Variants in TPRG1 observed in about 807,000 individuals in gnomAD.
TPRG1 encodes the protein tumor protein p63 regulated 1.
A neutral mutation model predicts 29.3 loss-of-function variants in TPRG1; 29 were observed. The observed-to-expected ratio is 0.99, with a 90% CI of 0.74 to 1.35. TPRG1 has a LOEUF of 1.35. Among genes scored for constraint, TPRG1 ranks in the 40% most tolerant of loss-of-function variants. The pLI is 0.00. For missense variants in TPRG1, 327 were observed against 335.0 expected (o/e 0.98, Z 0.19); for synonymous variants, 130 against 116.8 (o/e 1.11, Z -0.73).
intron 5 of TPRG1, among the ~76,000 whole-genome samples, chr3:189,163,103 C>G (rs1578613196): frequency 6.6e-6 from 1 of 152,192 alleles, no homozygotes; most frequent in Non-Finnish European, 1.5e-5. Context: ...GAAACCTGGT[C>G]TCTACTAAAA....
intron 4 of TPRG1, among the ~76,000 whole-genome samples, chr3:189,256,906 G>A (rs562480579): frequency 2.0e-5 from 3 of 152,264 alleles, no homozygotes; most frequent in African/African-American, 4.8e-5. Context: ...GTCTTTGCAA[G>A]TGAGATGGGT....
chr3:189,210,297 A>G (rs1735068239), intron 2 of TPRG1, among the ~76,000 whole-genome samples: 1 of 152,220 alleles, frequency 6.6e-6, no homozygotes, highest in Non-Finnish European at 1.5e-5. Context: ...CATTGTTGTT[A>G]TAAATGCTTT....
chr3:189,001,440 A>T lies in TPRG1; in HGVS notation c.-878+529A>T, dbSNP rs1258725440. ...TTGGCAGATTCAGTGTCTGGTGAGG[A>T]CCCTTTCTTCATAGGCTGAACCTTT... On this transcript the variant is annotated intron_variant, in intron 2 of 10. Transcript: ENST00000433971. Among the ~76,000 whole-genome samples the T allele has an allele frequency of 3.3e-5, 5 of 152,174 alleles. No individual in the cohort carries two copies. The East Asian group carries it at 9.7e-4, about 29-fold the overall frequency.
intron 4 of TPRG1, among the ~76,000 whole-genome samples, chr3:189,281,624 A>G (rs997454236): frequency 1.4e-4 from 21 of 152,120 alleles, no homozygotes; most frequent in African/African-American, 5.1e-4. Context: ...TTTTATAAAT[A>G]TAAAATCATA....
intron 1 of TPRG1, among the ~76,000 whole-genome samples, chr3:189,175,586 G>A (rs769214085): frequency 5.3e-5 from 8 of 152,166 alleles, no homozygotes; most frequent in Admixed American, 2.0e-4. Context: ...GAGAATGTCT[G>A]TGTAGGCACA....
At chr3:189,150,964 A>G (rs1052439) in intron 5 of TPRG1, 52,713 of 152,040 alleles carry the variant, frequency 0.35, 9,381 homozygotes, top group South Asian at 0.45. Flanking sequence ...AGAAGACATC[A>G]GTGTTCCCAT....
At chr3:189,030,349 A>G (rs2152129215) in intron 4 of TPRG1, among the ~76,000 whole-genome samples, 1 of 152,382 alleles carries the variant, frequency 6.6e-6, no homozygotes, top group South Asian at 2.1e-4. Flanking sequence ...ATTCAAGTTT[A>G]CCTGGATGTC....
intron 3 of TPRG1, among the ~76,000 whole-genome samples, chr3:189,222,673 T>G (rs928855993): frequency 6.6e-6 from 1 of 152,222 alleles, no homozygotes; most frequent in African/African-American, 2.4e-5. Context: ...ATCACTCTCA[T>G]GTTCATGCAT....
At chr3:189,035,559 A>C (rs1159965673) in intron 4 of TPRG1, among the ~76,000 whole-genome samples, 1 of 152,132 alleles carries the variant, frequency 6.6e-6, no homozygotes, top group East Asian at 1.9e-4. Context: ...ACTATCTAGA[A>C]TCTATAAGGA....
intron 3 of TPRG1, among the ~76,000 whole-genome samples, chr3:189,021,460 G>T (rs1334051300): frequency 6.6e-6 from 1 of 152,060 alleles, no homozygotes; most frequent in Non-Finnish European, 1.5e-5. Flanking sequence ...TTGCTTGTCT[G>T]TAAAGGATTT....
At chr3:189,017,554 T>C (rs1358451978) in intron 3 of TPRG1, among the ~76,000 whole-genome samples, 2 of 152,216 alleles carry the variant, frequency 1.3e-5, no homozygotes, top group Admixed American at 1.3e-4. Context: ...ACAAAGGACA[T>C]GAACTCATCA....
Position 189,069,434 on chromosome 3 carries a change from G to A in TPRG1, c.-463+45488G>A, listed in dbSNP as rs530817629. Reference sequence around the variant, plus strand: ...GATGGAACTGTTCTGTATCTTGACTGTATCAATGTCAAAATCTTGGTTGTG... The same window carrying A: ...GATGGAACTGTTCTGTATCTTGACTATATCAATGTCAAAATCTTGGTTGTG... On this transcript the variant is annotated intron_variant, in intron 4 of 10. Transcript: ENST00000433971. Among the ~76,000 whole-genome samples the A allele has an allele frequency of 9.2e-5, 14 of 152,256 alleles. No homozygotes were observed. In the South Asian group the frequency reaches 2.9e-3, roughly 32 times the overall value.
chr3:189,263,629 G>C (rs535967119), intron 4 of TPRG1, among the ~76,000 whole-genome samples: 1 of 152,292 alleles, frequency 6.6e-6, no homozygotes, highest in Admixed American at 6.5e-5. Flanking sequence ...AAATGGGTTT[G>C]ATTCAGTGTA....
chr3:189,202,346 C>T (rs565269379), intron 1 of TPRG1, among the ~76,000 whole-genome samples: 37 of 152,094 alleles, frequency 2.4e-4, no homozygotes, highest in Non-Finnish European at 4.4e-4. Context: ...TAGGATGGAG[C>T]ATCAGAATGA....
chr3:189,022,845 T>G (rs1006881046), intron 3 of TPRG1, among the ~76,000 whole-genome samples: 1 of 152,218 alleles, frequency 6.6e-6, no homozygotes, highest in Admixed American at 6.5e-5. Context: ...CGCCTTGCAG[T>G]TTGATCTCAG....
intron 4 of TPRG1, among the ~76,000 whole-genome samples, chr3:189,242,134 A>G (rs779430088): frequency 6.6e-6 from 1 of 152,124 alleles, no homozygotes; most frequent in African/African-American, 2.4e-5. Context: ...AAGGTATGCA[A>G]TCAACTTGAA....
chr3:189,106,901 C>T (rs1018319153), intron 1 of TPRG1, among the ~76,000 whole-genome samples: 3 of 151,764 alleles, frequency 2.0e-5, no homozygotes, highest in African/African-American at 7.3e-5. Context: ...CAGTCAGAGC[C>T]GAGACTACAT....
intron 1 of TPRG1, among the ~76,000 whole-genome samples, chr3:189,194,166 G>C (rs1448395218): frequency 2.0e-5 from 3 of 151,988 alleles, no homozygotes; most frequent in Admixed American, 1.3e-4. Context: ...TCTCTGTGCA[G>C]CTTCTTTAGC....
At chr3:189,211,108 A>T (rs1441175536) in intron 2 of TPRG1, among the ~76,000 whole-genome samples, 1 of 152,202 alleles carries the variant, frequency 6.6e-6, no homozygotes, top group African/African-American at 2.4e-5. Flanking sequence ...TTTTACTTAT[A>T]TATACACAAT....
Sources: gnomAD v4.1 joint callset for allele counts (sites outside exome capture counted in the v4.1 genomes callset) on GRCh38, gnomAD v4.1.1 for gene constraint, MANE v1.5 for transcripts, NCBI Gene and HGNC (gene_info 2026-07-23, HGNC 2026-07-21) for gene names.